ABHD2: variants seen among roughly 807,000 people sequenced by gnomAD.
ABHD2 encodes the protein abhydrolase domain containing 2, acylglycerol lipase.
ABHD2 carries 20 observed loss-of-function variants against 48.1 expected under a neutral mutation model. The observed-to-expected ratio is 0.42, with a 90% CI of 0.29 to 0.60. The LOEUF is 0.60. Among genes scored for constraint, ABHD2 ranks in the 20% least tolerant of loss-of-function variants. The pLI, the probability that ABHD2 is intolerant of heterozygous loss-of-function variation, is 0.24. For missense variants in ABHD2, 405 were observed against 550.9 expected (o/e 0.74, Z 2.65); for synonymous variants, 209 against 214.2 (o/e 0.98, Z 0.21).
At chr15:89,055,882 C>T in the ABHD2 span, among the ~76,000 whole-genome samples, 1 of 151,964 alleles carries the variant, frequency 6.6e-6, no homozygotes. Context: ...TTTGTTTTTA[C>T]AGACTGGGTC....
chr15:89,047,402 A>G, the ABHD2 span, among the ~76,000 whole-genome samples: 9 of 152,096 alleles, frequency 5.9e-5, no homozygotes, highest in South Asian at 2.1e-4. Context: ...TTCTGTAGAT[A>G]TCTATTAGGT....
At chr15:89,117,721 C>A (rs2049983871) in intron 3 of ABHD2, among the ~76,000 whole-genome samples, 1 of 152,224 alleles carries the variant, frequency 6.6e-6, no homozygotes, top group African/African-American at 2.4e-5. Context: ...CTGATAGCAC[C>A]TCTCATCACC....
chr15:89,101,815 A>G lies in ABHD2; in HGVS notation c.-106-11910A>G, dbSNP rs367887475. Among the ~76,000 whole-genome samples, 14 of 152,306 alleles carry G rather than the reference A, an allele frequency of 9.2e-5. No individual in the cohort carries two copies. The South Asian group carries it at 2.7e-3, about 29-fold the overall frequency. Reference sequence around the variant, plus strand: ...ATGGTTCAGCAGGTTGTACAAAACTAGTTAGATGCCATCAAGGGCTTGCAG... The same window carrying G: ...ATGGTTCAGCAGGTTGTACAAAACTGGTTAGATGCCATCAAGGGCTTGCAG... On this transcript the variant is annotated intron_variant, in intron 1 of 10. Coordinates refer to ENST00000352732, the MANE Select transcript of ABHD2 (RefSeq NM_152924.5).
chr15:89,105,050 G>A lies in ABHD2; in HGVS notation c.-106-8675G>A, dbSNP rs113403370. Among the ~76,000 whole-genome samples the A allele has an allele frequency of 6.5e-3, 994 of 152,268 alleles. 13 individuals carry two copies. The highest frequency in any genetic ancestry group is 0.022 in the African/African-American group (933 of 41,550). On this transcript the variant is annotated intron_variant, in intron 1 of 10. Coordinates refer to ENST00000352732, the MANE Select transcript of ABHD2 (RefSeq NM_152924.5). ...AACCTCCCTAGAGGAAACACCTGGC[G>A]TAAGATTTTTTTGTTTGTTCTCAGG... is the stretch of plus-strand genomic sequence containing the variant.
chr15:89,171,584 T>C (rs1449672897), intron 5 of ABHD2, among the ~76,000 whole-genome samples: 1 of 152,216 alleles, frequency 6.6e-6, no homozygotes, highest in African/African-American at 2.4e-5. Flanking sequence ...TGAACGGCGA[T>C]GTGCTACCTG....
the ABHD2 span, among the ~76,000 whole-genome samples, chr15:89,050,603 C>T: frequency 4.4e-4 from 67 of 152,340 alleles, no homozygotes; most frequent in African/African-American, 1.5e-3. Flanking sequence ...AATCTGTTCC[C>T]GTTTTTGTTG....
At chr15:89,068,394 A>G in the ABHD2 span, among the ~76,000 whole-genome samples, 1 of 152,210 alleles carries the variant, frequency 6.6e-6, no homozygotes, top group Non-Finnish European at 1.5e-5. Flanking sequence ...CTGGTGTCTG[A>G]GACCTCAGCT....
chr15:89,074,237 G>A, the ABHD2 span, among the ~76,000 whole-genome samples: 8 of 152,206 alleles, frequency 5.3e-5, no homozygotes, highest in East Asian at 1.9e-4. Flanking sequence ...TTATCAGGGC[G>A]TGATGGCGTG....
rs1596057558 is a variant in ABHD2 at position 89,094,837 on chromosome 15, C to T, written c.-107+6274C>T. ...CAGTACTTTGAGAGGCCGAGGCAGG[C>T]GGATCACTTGAGACCAGGAGTTCGA... is the stretch of plus-strand genomic sequence containing the variant. On this transcript the variant is annotated intron_variant, in intron 1 of 10. Transcript: ENST00000352732. This position sits in a 1 kb window ranked among gnomAD's most constrained non-coding sequence, Gnocchi z 4.7. Among the ~76,000 whole-genome samples, 3 of 151,936 alleles carry T rather than the reference C, an allele frequency of 2.0e-5. No individual in the cohort carries two copies. Among genetic ancestry groups the T allele is most frequent in the Admixed American group, 1.3e-4 (2 of 15,266 alleles).
intron 6 of ABHD2, among the ~76,000 whole-genome samples, chr15:89,183,841 G>A (rs2051161126): frequency 1.3e-5 from 2 of 152,202 alleles, no homozygotes; most frequent in South Asian, 4.1e-4. Flanking sequence ...ACCAGGGTAA[G>A]AGAAAGCTGG....
chr15:89,181,858 C>G (rs2051121144), intron 6 of ABHD2, among the ~76,000 whole-genome samples: 1 of 152,198 alleles, frequency 6.6e-6, no homozygotes, highest in South Asian at 2.1e-4. Flanking sequence ...CAAGTGATTG[C>G]TCTGAACCTA....
In ABHD2 at chr15:89,186,221, TG is replaced by T. The variant is rs1423686875; in HGVS notation, c.815+707del. On this transcript the variant is annotated intron_variant, in intron 7 of 10. Transcript: ENST00000352732. This position sits in a 1 kb window ranked among gnomAD's most constrained non-coding sequence, Gnocchi z 4.3. ...GCAGCGGGACAGGAGGCTCAGGGCA[TG>T]GTTTCGGCGCCTCCCTGCTCGGAGT... Among the ~76,000 whole-genome samples, 3 of 152,180 alleles carry T rather than the reference TG, an allele frequency of 2.0e-5. No homozygotes were observed. The highest frequency in any genetic ancestry group is 7.2e-5 in the African/African-American group (3 of 41,454).
intron 5 of ABHD2, among the ~76,000 whole-genome samples, chr15:89,156,714 T>A (rs987345804): frequency 1.4e-5 from 2 of 138,844 alleles, no homozygotes; most frequent in Admixed American, 1.6e-4. Flanking sequence ...AGAGCAAGAC[T>A]CTGTCTGAAA....
At chr15:89,090,792 T>G (rs1025875461) in intron 1 of ABHD2, among the ~76,000 whole-genome samples, 1 of 152,054 alleles carries the variant, frequency 6.6e-6, no homozygotes, top group Non-Finnish European at 1.5e-5. Flanking sequence ...AAGCGATGAG[T>G]GTGATGCAGC....
At chr15:89,191,046 C>CTTTTTCTT (rs777887449) in intron 8 of ABHD2, 34 bp from the exon 9 acceptor site, 1 of 1,607,234 alleles carries the variant, frequency 6.2e-7, no homozygotes, top group Non-Finnish European at 8.5e-7. Flanking sequence ...ATGTTTTGTC[C>CTTTTTCTT]TTTTTCTTTT....
intron 3 of ABHD2, among the ~76,000 whole-genome samples, chr15:89,126,331 C>T (rs1232672477): frequency 6.6e-6 from 1 of 152,210 alleles, no homozygotes; most frequent in Non-Finnish European, 1.5e-5. Flanking sequence ...TTTTAGCTTA[C>T]ACCTCATTTG....
rs191020020 is a variant in ABHD2, at chr15:89,114,487, G to C, written c.-7+663G>C. Among the ~76,000 whole-genome samples the C allele has an allele frequency of 1.1e-4, 17 of 152,054 alleles. No homozygotes were observed. The East Asian group carries it at 3.3e-3, about 29-fold the overall frequency. The stretch of plus-strand genomic sequence containing the variant: ...TTAAGTTTTTTTTGTTTTGTTTTTT[G>C]TTTTTGTTTTTTTGAGACGGCGTTT... On this transcript the variant is annotated intron_variant, in intron 2 of 10. Coordinates refer to ENST00000352732, the MANE Select transcript of ABHD2 (RefSeq NM_152924.5). The surrounding 1 kb of genome is among the most constrained non-coding windows in gnomAD (Gnocchi z 4.2).
At position 89,199,720 on chromosome 15, in the gene ABHD2, A is replaced by G. The variant is rs1370834950; in HGVS notation, c.*4297A>G. The stretch of plus-strand genomic sequence containing the variant: ...GATTGCTTGGATGCTTCGAACAGCC[A>G]TGAAAAGTAGCCTGCCTGTGGCATT... On this transcript the variant is annotated 3_prime_UTR_variant, in exon 11 of 11. Coordinates refer to ENST00000352732, the MANE Select transcript of ABHD2 (RefSeq NM_152924.5). The surrounding 1 kb of genome is among the most constrained non-coding windows in gnomAD (Gnocchi z 4.1). 2 of 152,546 alleles carry G rather than the reference A, an allele frequency of 1.3e-5. No individual in the cohort carries two copies. Among genetic ancestry groups the G allele is most frequent in the South Asian group, 2.1e-4 (1 of 4,830 alleles). 9.4% of individuals were successfully genotyped at this position (152,546 alleles called of 1,614,324 possible).
At chr15:89,057,529 A>C in the ABHD2 span, among the ~76,000 whole-genome samples, 1 of 152,298 alleles carries the variant, frequency 6.6e-6, no homozygotes, top group South Asian at 2.1e-4. Context: ...TTCAATGGTG[A>C]AAATGCTATT....
Sources: gnomAD v4.1 joint callset for allele counts (sites outside exome capture counted in the v4.1 genomes callset) on GRCh38, gnomAD v4.1.1 for gene constraint, Gnocchi (gnomAD v3.1) non-coding constraint, MANE v1.5 for transcripts, NCBI Gene and HGNC (gene_info 2026-07-23, HGNC 2026-07-21) for gene names.